The following MAP4K5 variants were observed in gnomAD, a reference collection of about 807,000 sequenced individuals.
The protein encoded by MAP4K5 is mitogen-activated protein kinase kinase kinase kinase 5.
A neutral mutation model predicts 135.6 loss-of-function variants in MAP4K5; 82 were observed. That is an observed-to-expected ratio of 0.60 (90% CI 0.51 to 0.73). MAP4K5 has a LOEUF of 0.73. MAP4K5 is among the 30% of genes least tolerant of loss of function. The pLI, the probability that MAP4K5 is intolerant of heterozygous loss-of-function variation, is 0.00. For synonymous variants in MAP4K5, 347 were observed against 335.0 expected, an observed-to-expected ratio of 1.04 and a Z score of -0.39; for missense variants, 907 against 1,010.9, an observed-to-expected ratio of 0.90 and a Z score of 1.39.
intron 18 of MAP4K5, among the ~76,000 whole-genome samples, chr14:50,444,599 C>T (rs2036301512): frequency 6.6e-6 from 1 of 152,010 alleles, no homozygotes; most frequent in Non-Finnish European, 1.5e-5. Flanking sequence ...AAAAAAAAAT[C>T]CTGCAAGAGC....
chr14:50,531,897 G>T, intron 2 of MAP4K5, 45 bp downstream of exon 2: 4 of 1,344,134 alleles, frequency 3.0e-6, no homozygotes, highest in Non-Finnish European at 4.2e-6. Flanking sequence ...CCCATTCCCG[G>T]GACCCAGTCG....
In MAP4K5 at chr14:50,510,465, G is replaced by A. The variant is rs991317298; in HGVS notation, c.109-5608C>T. 3.3e-5 allele frequency among the ~76,000 whole-genome samples: 5 copies of A among 152,220 alleles called. No homozygotes were observed. The East Asian group carries it at 7.7e-4, about 23-fold the overall frequency. Reference sequence around the variant, plus strand: ...AAGTGTGTTGTCATCTTAGCTCTACGCATGATCCTTTGAAAGGCTGTGCCA... The same window carrying A: ...AAGTGTGTTGTCATCTTAGCTCTACACATGATCCTTTGAAAGGCTGTGCCA... On this transcript the variant is annotated intron_variant, in intron 2 of 32. Coordinates refer to ENST00000682126, the MANE Select transcript of MAP4K5 (RefSeq NM_006575.6).
chr14:50,554,514 C>G (rs1434993159), intron 1 of MAP4K5, among the ~76,000 whole-genome samples: 1 of 152,086 alleles, frequency 6.6e-6, no homozygotes, highest in Non-Finnish European at 1.5e-5. Context: ...TGTGATGTGT[C>G]CCCACTAGGT....
At chr14:50,420,659 T>C (rs528684194) in intron 32 of MAP4K5, among the ~76,000 whole-genome samples, 1 of 152,118 alleles carries the variant, frequency 6.6e-6, no homozygotes, top group African/African-American at 2.4e-5. Flanking sequence ...CAAAATTTGC[T>C]TACTCATTTA....
At position 50,479,973 on chromosome 14, in the gene MAP4K5, TG is replaced by T. The variant is rs755320213; in HGVS notation, c.378+2387del. On this transcript the variant is annotated intron_variant, in intron 6 of 32. Coordinates refer to ENST00000682126, the MANE Select transcript of MAP4K5 (RefSeq NM_006575.6). The stretch of plus-strand genomic sequence containing the variant: ...TCAGGCCTCATTGTCCTTCATTACC[TG>T]ATGTTCAGTTTCTTGAAAATCACTG... Among the ~76,000 whole-genome samples the T allele has an allele frequency of 1.6e-4, 24 of 152,156 alleles. 1 individual carries two copies. The highest frequency in any genetic ancestry group is 4.4e-5 in the Non-Finnish European group (3 of 68,036).
At chr14:50,513,037 C>T (rs1416906023) in intron 2 of MAP4K5, among the ~76,000 whole-genome samples, 1 of 152,066 alleles carries the variant, frequency 6.6e-6, no homozygotes, top group South Asian at 2.1e-4. Flanking sequence ...ATATACTAAA[C>T]ACCTAGAAAT....
At chr14:50,462,200 T>C (rs1566656561) in intron 13 of MAP4K5, among the ~76,000 whole-genome samples, 1 of 152,224 alleles carries the variant, frequency 6.6e-6, no homozygotes, top group Non-Finnish European at 1.5e-5. Context: ...GTTTTCTTGG[T>C]TGAAAGCAAG....
chr14:50,471,747 G>C (rs1172935533), intron 9 of MAP4K5: 1 of 152,148 alleles, frequency 6.6e-6, no homozygotes, highest in Non-Finnish European at 1.5e-5. Context: ...TTACATGTAA[G>C]AAATATGGTA....
At chr14:50,447,574 T>C in intron 15 of MAP4K5, 93 bp from the exon 16 acceptor site, 1 of 683,614 alleles carries the variant, frequency 1.5e-6, no homozygotes, top group African/African-American at 1.9e-5. Context: ...GTCATGATTA[T>C]TAATCATCTT....
chr14:50,479,375 G>A (rs192412090), intron 6 of MAP4K5, among the ~76,000 whole-genome samples: 85 of 151,896 alleles, frequency 5.6e-4, no homozygotes, highest in African/African-American at 1.8e-3. Flanking sequence ...TCAAATATAC[G>A]TTTTTTGCAA....
intron 2 of MAP4K5, among the ~76,000 whole-genome samples, chr14:50,530,334 T>C (rs189858358): frequency 1.0e-3 from 157 of 152,280 alleles, no homozygotes; most frequent in Non-Finnish European, 1.0e-3. Flanking sequence ...TGCTCCAGAG[T>C]TGCTTTAGTT....
At chr14:50,505,932 G>C (rs919283306) in intron 2 of MAP4K5, among the ~76,000 whole-genome samples, 6 of 152,096 alleles carry the variant, frequency 3.9e-5, no homozygotes, top group South Asian at 2.1e-4. Context: ...TTGTGAATAT[G>C]AACACATACC....
At chr14:50,426,615 T>G (rs2035852849) in intron 30 of MAP4K5, among the ~76,000 whole-genome samples, 2 of 152,138 alleles carry the variant, frequency 1.3e-5, no homozygotes, top group Admixed American at 1.3e-4. Context: ...CCCCAGCTAC[T>G]CAGGACGCTG....
At chr14:50,524,396 A>G (rs1036146578) in intron 2 of MAP4K5, among the ~76,000 whole-genome samples, 2 of 152,240 alleles carry the variant, frequency 1.3e-5, no homozygotes, top group Non-Finnish European at 2.9e-5. Flanking sequence ...CCTTCAAGGC[A>G]TATTTATTGA....
At chr14:50,555,308 G>A (rs2038752617) in intron 1 of MAP4K5, among the ~76,000 whole-genome samples, 2 of 152,214 alleles carry the variant, frequency 1.3e-5, no homozygotes, top group Admixed American at 6.5e-5. Context: ...TTGAGACGGA[G>A]TCTCGCTCTG....
upstream of MAP4K5, among the ~76,000 whole-genome samples, chr14:50,535,572 A>T (rs911354213): frequency 7.0e-6 from 1 of 143,626 alleles, no homozygotes; most frequent in South Asian, 2.4e-4. Context: ...TTAAATAATT[A>T]TTATTAAACT....
At chr14:50,538,823 A>T (rs2038525853) in intron 2 of MAP4K5, among the ~76,000 whole-genome samples, 1 of 152,134 alleles carries the variant, frequency 6.6e-6, no homozygotes, top group South Asian at 2.1e-4. Flanking sequence ...TTATTTATTT[A>T]TTAGAGATGG....
upstream of MAP4K5, among the ~76,000 whole-genome samples, chr14:50,535,472 ACT>A (rs1001809958): frequency 4.9e-4 from 74 of 152,326 alleles, no homozygotes; most frequent in African/African-American, 1.7e-3. Context: ...TCAACATGTA[ACT>A]CTATGATTCA....
chr14:50,529,149 G>A (rs113624560), intron 2 of MAP4K5, among the ~76,000 whole-genome samples: 5,295 of 152,132 alleles, frequency 0.035, 92 homozygotes, highest in Middle Eastern at 0.058. Flanking sequence ...TTGGGAGGCC[G>A]AGGCAGGCAG....
Sources: gnomAD v4.1 joint callset for allele counts (sites outside exome capture counted in the v4.1 genomes callset) on GRCh38, gnomAD v4.1.1 for gene constraint, MANE v1.5 for transcripts, NCBI Gene and HGNC (gene_info 2026-07-23, HGNC 2026-07-21) for gene names.